Variants in STK24 observed in about 807,000 individuals in gnomAD.
The protein encoded by STK24 is serine/threonine kinase 24.
In STK24, 21 loss-of-function variants were observed where a neutral mutation model predicts 55.6. The observed-to-expected ratio is 0.38, with a 90% CI of 0.27 to 0.54. The LOEUF is 0.54. STK24 is among the 20% of genes least tolerant of loss of function. The pLI, the probability that STK24 is intolerant of heterozygous loss-of-function variation, is 0.79. For synonymous variants in STK24, 200 were observed against 215.2 expected, an observed-to-expected ratio of 0.93 and a Z score of 0.62; for missense variants, 383 against 538.4, an observed-to-expected ratio of 0.71 and a Z score of 2.86.
chr13:98,494,616 G>C (rs546691256), intron 2 of STK24, among the ~76,000 whole-genome samples: 12 of 152,100 alleles, frequency 7.9e-5, no homozygotes, highest in Admixed American at 7.9e-4. Context: ...TTCAACGCTT[G>C]ATTGTCCTGA....
At chr13:98,548,271 AC>A (rs758986732) in intron 1 of STK24, among the ~76,000 whole-genome samples, 1 of 152,228 alleles carries the variant, frequency 6.6e-6, no homozygotes, top group Non-Finnish European at 1.5e-5. Context: ...TGGGGCAAAA[AC>A]AAAGTTTTTT....
intron 3 of STK24, among the ~76,000 whole-genome samples, chr13:98,477,924 TGAC>T (rs1894439937): frequency 6.6e-6 from 1 of 152,174 alleles, no homozygotes; most frequent in Admixed American, 6.5e-5. Flanking sequence ...GGCTCTGTGA[TGAC>T]TGTCTGCATG....
At position 98,463,798 on chromosome 13, in the gene STK24, T is replaced by C; in HGVS notation, c.822A>G (p.Ile274Met). ...TAKELLKHKF[I>M]LRNAKKTSYL... ...AGGAAGTTTTCTTTGCATTGCGTAG[T>C]ATAAACTTGTGCTTCAATAACTCCT... Residue 274 changes from isoleucine (I) to methionine (M), a missense_variant, in exon 7 of 11, where the codon ATA becomes ATG. Coordinates refer to ENST00000539966, the MANE Select transcript of STK24 (RefSeq NM_001032296.4). 1 of 1,614,144 alleles carries C rather than the reference T, an allele frequency of 6.2e-7. No homozygotes were observed.
chr13:98,519,256 C>T lies in STK24; in HGVS notation c.260G>A (p.Gly87Glu). Residue 87 changes from glycine (G) to glutamate (E), a missense_variant, in exon 2 of 11, where the codon GGA becomes GAA. Coordinates refer to ENST00000539966, the MANE Select transcript of STK24 (RefSeq NM_001032296.4). ...TTTAAGCCTTACCTTCAGATAGGAT[C>T]CATAATATTTGGTTACATATGGACT... is the stretch of plus-strand genomic sequence containing the variant. ...CDSPYVTKYY[G>E]SYLKDTKLWI... The T allele has an allele frequency of 6.2e-7, 1 of 1,613,992 alleles. No individual in the cohort carries two copies. The highest frequency in any genetic ancestry group is 8.5e-7 in the Non-Finnish European group (1 of 1,179,868).
At position 98,512,591 on chromosome 13, in the gene STK24, A is replaced by T. The variant is rs1363321078; in HGVS notation, c.273+6652T>A. Among the ~76,000 whole-genome samples the T allele has an allele frequency of 2.7e-5, 4 of 150,502 alleles. No individual in the cohort carries two copies. In the East Asian group the frequency reaches 5.8e-4, roughly 22 times the overall value. ...AGTAAGTTTTTTTTTTTTTTTTTTA[A>T]AAAGGGAAAGCAAGGTACCAGCCCC... On this transcript the variant is annotated intron_variant, in intron 2 of 10. Transcript: ENST00000539966.
intron 1 of STK24, among the ~76,000 whole-genome samples, chr13:98,527,737 G>A: frequency 6.6e-6 from 1 of 152,212 alleles, no homozygotes; most frequent in Non-Finnish European, 1.5e-5. Context: ...GGAGGTGGGG[G>A]GCCCAGCACT....
chr13:98,504,662 CT>C (rs1445681374), intron 2 of STK24, among the ~76,000 whole-genome samples: 4 of 152,190 alleles, frequency 2.6e-5, no homozygotes, highest in African/African-American at 4.8e-5. Context: ...CTACACAGCA[CT>C]ATCTCAGGGG....
chr13:98,458,641 G>A (rs1893569982), intron 9 of STK24, among the ~76,000 whole-genome samples: 1 of 152,202 alleles, frequency 6.6e-6, no homozygotes, highest in Non-Finnish European at 1.5e-5. Flanking sequence ...CTACAATCCA[G>A]CACTCTCCCT....
chr13:98,506,767 G>A (rs777002947), intron 2 of STK24, among the ~76,000 whole-genome samples: 3 of 152,208 alleles, frequency 2.0e-5, no homozygotes, highest in Admixed American at 6.5e-5. Context: ...CCACGGACAC[G>A]TGTTAGGCAA....
rs1421199405 is a variant in STK24 at position 98,449,885 on chromosome 13, C to G, written c.*3288G>C. ...AGTGACACAGGGAGGGCCTGCCCCC[C>G]ACTGTTCCCTATGCTCCCCCCACCT... On this transcript the variant is annotated 3_prime_UTR_variant, in exon 11 of 11. Coordinates refer to ENST00000539966, the MANE Select transcript of STK24 (RefSeq NM_001032296.4). 1 of 152,334 alleles carries G rather than the reference C, an allele frequency of 6.6e-6. No homozygotes were observed. The highest frequency in any genetic ancestry group is 1.5e-5 in the Non-Finnish European group (1 of 68,096). The allele number at this position is 152,334 out of a possible 1,614,324, so 9.4% of individuals were successfully genotyped here.
At chr13:98,549,047 C>A (rs992466090) in intron 1 of STK24, among the ~76,000 whole-genome samples, 2 of 151,960 alleles carry the variant, frequency 1.3e-5, no homozygotes, top group African/African-American at 4.8e-5. Flanking sequence ...TAATACAAGC[C>A]CCAATGGAGA....
At position 98,537,068 on chromosome 13, in the gene STK24, AC is replaced by A. The variant is rs941829748; in HGVS notation, c.43-17596del. 5.3e-5 allele frequency among the ~76,000 whole-genome samples: 8 copies of A among 152,078 alleles called. No individual in the cohort carries two copies. In the East Asian group the frequency reaches 1.2e-3, roughly 22 times the overall value. On this transcript the variant is annotated intron_variant, in intron 1 of 10. Transcript: ENST00000539966. ...GGGAGGCTTGGCAAGTAAGTCACTC[AC>A]CCAGGGAGAGAGCCAGGATGGTGGC...
rs1333347097 is a variant in STK24 at position 98,562,015 on chromosome 13, C to T, written c.42+14730G>A. On this transcript the variant is annotated intron_variant, in intron 1 of 10. Coordinates refer to ENST00000539966, the MANE Select transcript of STK24 (RefSeq NM_001032296.4). ...AAAAAAAAAAAAAGATGTGACACGC[C>T]TTGTATTAAAGGAGGCACAGAAGTC... 6.7e-5 allele frequency among the ~76,000 whole-genome samples: 10 copies of T among 150,292 alleles called. No homozygotes were observed. The East Asian group carries it at 1.9e-3, about 29-fold the overall frequency.
intron 10 of STK24, chr13:98,454,385 T>G (rs1480747144): frequency 6.6e-6 from 1 of 152,220 alleles, no homozygotes; most frequent in Non-Finnish European, 1.5e-5. Flanking sequence ...GAGAGATGGC[T>G]GAGGATGTCT....
At chr13:98,491,558 G>GA (rs892213877) in intron 2 of STK24, among the ~76,000 whole-genome samples, 56 of 151,782 alleles carry the variant, frequency 3.7e-4, no homozygotes, top group African/African-American at 1.3e-3. Context: ...TCACATCAAA[G>GA]AAAAAAATCT....
chr13:98,455,787 G>C (rs528943650), intron 10 of STK24: 3 of 152,384 alleles, frequency 2.0e-5, no homozygotes, highest in African/African-American at 7.2e-5. Flanking sequence ...AGTGTGGAAA[G>C]TATTGGTTTT....
At chr13:98,500,564 C>T (rs1012665822) in intron 2 of STK24, among the ~76,000 whole-genome samples, 1 of 152,210 alleles carries the variant, frequency 6.6e-6, no homozygotes, top group African/African-American at 2.4e-5. Context: ...CACCTACTAA[C>T]ATCTCAAAGA....
intron 1 of STK24, among the ~76,000 whole-genome samples, chr13:98,536,887 C>T (rs1304382442): frequency 9.4e-6 from 1 of 106,430 alleles, no homozygotes; most frequent in East Asian, 2.4e-4. Context: ...TCCAGCCGCC[C>T]AGCCACACTC....
In STK24 at chr13:98,447,909, CCATTCT is replaced by C. The variant is rs1221957258; in HGVS notation, c.*5258_*5263del. The C allele has an allele frequency of 8.5e-5, 31 of 363,398 alleles. No individual in the cohort carries two copies. The highest frequency in any genetic ancestry group is 1.5e-4 in the Non-Finnish European group (29 of 198,116). 22.5% of individuals were successfully genotyped at this position (363,398 alleles called of 1,614,324 possible). ...ACTAAGCAGGATGGGACACGTCCCG[CCATTCT>C]CTGCCATGTCCATGAAAATAGGAGG... On this transcript the variant is annotated 3_prime_UTR_variant, in exon 11 of 11. Transcript: ENST00000539966.
Sources: allele counts gnomAD v4.1 joint callset (sites outside exome capture counted in the v4.1 genomes callset), GRCh38; gene constraint gnomAD v4.1.1; transcripts MANE v1.5; gene names NCBI Gene and HGNC (gene_info 2026-07-23, HGNC 2026-07-21).